Variants in SUGCT observed in about 807,000 individuals in gnomAD.
SUGCT encodes succinyl-CoA:glutarate-CoA transferase.
SUGCT carries 41 observed loss-of-function variants against 55.0 expected under a neutral mutation model. That is an observed-to-expected ratio of 0.74 (90% CI 0.58 to 0.97). The LOEUF (loss-of-function observed/expected upper bound fraction) is 0.97. Ranked by LOEUF, SUGCT falls within the 50% of genes least tolerant of loss-of-function variation. The pLI, the probability that SUGCT is intolerant of heterozygous loss-of-function variation, is 0.00. For synonymous variants in SUGCT, 187 were observed against 200.4 expected (o/e 0.93, Z 0.56); for missense variants, 568 against 547.8 (o/e 1.04, Z -0.37).
chr7:40,348,262 A>C (rs1355998765), intron 9 of SUGCT, among the ~76,000 whole-genome samples: 1 of 152,228 alleles, frequency 6.6e-6, no homozygotes, highest in East Asian at 1.9e-4. Flanking sequence ...AATTTCTTGC[A>C]GTCAGGTGGT....
At chr7:40,295,600 A>AATAG (rs1318337233) in intron 8 of SUGCT, among the ~76,000 whole-genome samples, 3 of 151,896 alleles carry the variant, frequency 2.0e-5, no homozygotes, top group African/African-American at 7.3e-5. Flanking sequence ...CAAACAAATA[A>AATAG]AAGAAAAAAT....
intron 12 of SUGCT, among the ~76,000 whole-genome samples, chr7:40,560,305 A>T (rs1425107856): frequency 6.6e-6 from 1 of 152,196 alleles, no homozygotes; most frequent in Non-Finnish European, 1.5e-5. Flanking sequence ...CATCATGTAC[A>T]CATGCATACA....
chr7:41,029,636 G>C, the SUGCT span, among the ~76,000 whole-genome samples: 1 of 152,154 alleles, frequency 6.6e-6, no homozygotes, highest in South Asian at 2.1e-4. Context: ...AAATTGCTCA[G>C]AAGAAAAGGT....
At chr7:40,901,934 A>G in the SUGCT span, among the ~76,000 whole-genome samples, 2 of 152,184 alleles carry the variant, frequency 1.3e-5, no homozygotes, top group Non-Finnish European at 2.9e-5. Context: ...CTTGCGGTGC[A>G]CATCCAGCCA....
At chr7:40,789,711 G>A (rs1167386842) in intron 13 of SUGCT, among the ~76,000 whole-genome samples, 1 of 152,184 alleles carries the variant, frequency 6.6e-6, no homozygotes, top group Non-Finnish European at 1.5e-5. Flanking sequence ...CCAAGAAATA[G>A]AGTCCTAAAG....
the SUGCT span, among the ~76,000 whole-genome samples, chr7:40,923,272 A>G: frequency 1.3e-5 from 2 of 152,324 alleles, no homozygotes; most frequent in East Asian, 3.9e-4. Flanking sequence ...AGAGAACATC[A>G]TAGAATTGTC....
the SUGCT span, among the ~76,000 whole-genome samples, chr7:40,968,972 C>T: frequency 3.9e-5 from 6 of 152,218 alleles, no homozygotes; most frequent in Admixed American, 3.9e-4. Flanking sequence ...AGACCACAGT[C>T]CCACCCAGAA....
chr7:40,635,492 C>T (rs181915530), intron 12 of SUGCT, among the ~76,000 whole-genome samples: 1 of 152,130 alleles, frequency 6.6e-6, no homozygotes, highest in Admixed American at 6.5e-5. Flanking sequence ...GTTTCTAGAA[C>T]TAAAGAAAGT....
At chr7:40,231,791 A>C (rs1788739510) in intron 6 of SUGCT, among the ~76,000 whole-genome samples, 1 of 152,108 alleles carries the variant, frequency 6.6e-6, no homozygotes, top group South Asian at 2.1e-4. Context: ...TAGTGTACTG[A>C]TTTACCTTTT....
chr7:40,941,255 C>T, the SUGCT span, among the ~76,000 whole-genome samples: 2 of 151,876 alleles, frequency 1.3e-5, no homozygotes, highest in African/African-American at 4.8e-5. Flanking sequence ...TTGCTGTATC[C>T]CAGAGGTTTT....
At chr7:40,613,056 C>T (rs1251391826) in intron 12 of SUGCT, among the ~76,000 whole-genome samples, 3 of 152,078 alleles carry the variant, frequency 2.0e-5, no homozygotes, top group African/African-American at 7.2e-5. Context: ...TCGCTTGAAC[C>T]CAGGAGGCGG....
chr7:40,848,446 A>C (rs1433166524), intron 13 of SUGCT, among the ~76,000 whole-genome samples: 7 of 152,164 alleles, frequency 4.6e-5, no homozygotes, highest in Non-Finnish European at 1.0e-4. Context: ...TGTACCCTAA[A>C]GCTGGCTTAA....
At chr7:40,811,766 TG>T (rs1226124508) in intron 13 of SUGCT, among the ~76,000 whole-genome samples, 1 of 152,168 alleles carries the variant, frequency 6.6e-6, no homozygotes, top group Non-Finnish European at 1.5e-5. Flanking sequence ...TTCTTTGTCT[TG>T]CCTGATTGCT....
chr7:40,845,020 A>G (rs73689864), intron 13 of SUGCT, among the ~76,000 whole-genome samples: 1 of 151,798 alleles, frequency 6.6e-6, no homozygotes, highest in Non-Finnish European at 1.5e-5. Context: ...CTTGTTTTCT[A>G]TTCTAGGAAT....
chr7:40,634,750 A>C (rs1799947501), intron 12 of SUGCT, among the ~76,000 whole-genome samples: 2 of 152,258 alleles, frequency 1.3e-5, no homozygotes, highest in African/African-American at 4.8e-5. Context: ...GCATTGCTCA[A>C]GTTATTTGAA....
intron 9 of SUGCT, among the ~76,000 whole-genome samples, chr7:40,322,069 T>C (rs1795784207): frequency 6.6e-6 from 1 of 152,204 alleles, no homozygotes; most frequent in African/African-American, 2.4e-5. Context: ...AAGCATTCTC[T>C]TTTCTCCATG....
intron 13 of SUGCT, among the ~76,000 whole-genome samples, chr7:40,800,875 G>A (rs1344489520): frequency 6.6e-6 from 1 of 152,116 alleles, no homozygotes; most frequent in East Asian, 1.9e-4. Flanking sequence ...TTGTATCCTA[G>A]CCCTATGAGG....
At chr7:40,740,304 G>A (rs1787395102) in intron 12 of SUGCT, among the ~76,000 whole-genome samples, 1 of 151,736 alleles carries the variant, frequency 6.6e-6, no homozygotes, top group African/African-American at 2.4e-5. Context: ...GAGTATTTTT[G>A]TATATTTTCT....
intron 13 of SUGCT, among the ~76,000 whole-genome samples, chr7:40,807,102 A>T (rs1791142636): frequency 6.6e-6 from 1 of 152,362 alleles, no homozygotes; most frequent in Admixed American, 6.5e-5. Context: ...TAGTAGTGGT[A>T]GTAGTAGCAG....
Sources: gnomAD v4.1 joint callset for allele counts (sites outside exome capture counted in the v4.1 genomes callset) on GRCh38, gnomAD v4.1.1 for gene constraint, MANE v1.5 for transcripts, NCBI Gene and HGNC (gene_info 2026-07-23, HGNC 2026-07-21) for gene names.